Variants in TCP11 observed in about 807,000 individuals in gnomAD.
TCP11 encodes t-complex 11.
TCP11 carries 34 observed loss-of-function variants against 45.0 expected under a neutral mutation model. The ratio of observed to expected loss-of-function variants is 0.76; its 90% CI spans 0.57 to 1.01. TCP11 has a LOEUF of 1.01. Among genes scored for constraint, TCP11 ranks in the 50% least tolerant of loss-of-function variants. The probability of loss-of-function intolerance (pLI) is 0.00; values close to 1 mark genes in which losing one functional copy is unlikely to be tolerated. For synonymous variants in TCP11, 227 were observed against 227.0 expected (o/e 1.00, Z 0.00); for missense variants, 523 against 598.1 (o/e 0.87, Z 1.31).
chr6:35,124,782 T>C (rs1779636423), intron 4 of TCP11, among the ~76,000 whole-genome samples: 1 of 152,074 alleles, frequency 6.6e-6, no homozygotes. Context: ...AACAGGATAT[T>C]CACATGCAAA....
intron 4 of TCP11, chr6:35,128,347 C>G (rs1210786736): frequency 6.6e-6 from 1 of 152,230 alleles, no homozygotes; most frequent in Non-Finnish European, 1.5e-5. Context: ...CTATGTGGCC[C>G]TCTCGATAGG....
Position 35,122,311 on chromosome 6 carries a change from G to A in TCP11, c.384C>T (p.Arg128=). ...CAATCTCAATTCTCAGGCGGTTCTG[G>A]CGTGGTAATAGCAGTGATAGCAAGA... is the stretch of plus-strand genomic sequence containing the variant. ...KEILLSLLLP[R]QNRLRIEIEE... Residue 128 remains arginine, a synonymous_variant, in exon 5 of 10, where the codon CGC becomes CGT. Transcript: ENST00000311875. 6.2e-7 allele frequency: 1 copy of A among 1,614,120 alleles called. No homozygotes were observed. The highest frequency in any genetic ancestry group is 8.5e-7 in the Non-Finnish European group (1 of 1,180,026).
chr6:35,136,104 T>C lies in TCP11; in HGVS notation c.236+3A>G, dbSNP rs777851055. 5 of 1,611,974 alleles carry C rather than the reference T, an allele frequency of 3.1e-6. No homozygotes were observed. In the South Asian group the frequency reaches 3.3e-5, roughly 11 times the overall value. On this transcript the variant is annotated splice_donor_region_variant and intron_variant, in intron 3 of 9. Coordinates refer to ENST00000311875, the MANE Select transcript of TCP11 (RefSeq NM_001370687.1). ...AACATGAAGAAAGAAGAAGAGTCTA[T>C]ACCTGCTTGGAGGTAAAACCTTCTC...
At chr6:35,129,280 G>A (rs1383997404) in intron 3 of TCP11, 98 bp from the exon 4 acceptor site, 1 of 1,429,880 alleles carries the variant, frequency 7.0e-7, no homozygotes, top group African/African-American at 1.5e-5. Flanking sequence ...TATGGTAAAA[G>A]GCCATTATAA....
In TCP11 at chr6:35,136,146, C is replaced by T. The variant is rs1170864520; in HGVS notation, c.197G>A (p.Cys66Tyr). 1.9e-6 allele frequency: 3 copies of T among 1,613,688 alleles called. No homozygotes were observed. The highest frequency in any genetic ancestry group is 2.7e-5 in the African/African-American group (2 of 74,872). Residue 66 changes from cysteine to tyrosine, a missense_variant, in exon 3 of 10, where the codon TGT becomes TAT. Transcript: ENST00000311875. Reference protein sequence around the residue: ...SKLSNKIGMNCDYYMEEKVLP... With the variant: ...SKLSNKIGMNYDYYMEEKVLP... The stretch of plus-strand genomic sequence containing the variant: ...AACCTTCTCTTCCATGTAGTAATCA[C>T]AATTCATCCCAATCTTGTTGCTCAG...
intron 5 of TCP11, 152 bp downstream of exon 5, chr6:35,121,965 G>T: frequency 1.4e-6 from 1 of 739,228 alleles, no homozygotes. Flanking sequence ...TGGAAAAGAA[G>T]AGTGAATTGA....
chr6:35,141,294 G>A lies in TCP11; in HGVS notation c.-104C>T. 1.6e-6 allele frequency: 2 copies of A among 1,288,940 alleles called. No individual in the cohort carries two copies. The highest frequency in any genetic ancestry group is 4.6e-5 in the South Asian group (2 of 43,744). The allele number at this position is 1,288,940 out of a possible 1,614,324, so 79.8% of individuals were successfully genotyped here. Reference sequence around the variant, plus strand: ...CTGGAGCGTACCACCGCGGCGGAGCGGCGGGTTGGGGCGTCGCACGGTGAG... The same window carrying A: ...CTGGAGCGTACCACCGCGGCGGAGCAGCGGGTTGGGGCGTCGCACGGTGAG... On this transcript the variant is annotated 5_prime_UTR_variant, in exon 1 of 10. Coordinates refer to ENST00000311875, the MANE Select transcript of TCP11 (RefSeq NM_001370687.1).
intron 4 of TCP11, 87 bp from the exon 5 acceptor site, chr6:35,122,424 C>A: frequency 8.3e-7 from 1 of 1,206,476 alleles, no homozygotes; most frequent in Non-Finnish European, 1.2e-6. Flanking sequence ...AAAGACATAC[C>A]AGCCTATGTT....
Position 35,120,853 on chromosome 6 carries a change from A to G in TCP11, c.715+56T>C. 1.3e-6 allele frequency: 2 copies of G among 1,558,778 alleles called. No homozygotes were observed. Among genetic ancestry groups the G allele is most frequent in the South Asian group, 2.4e-5 (2 of 82,874 alleles). ...AGATAGAGTACTCTCTAACATTATA[A>G]AAGTCAGACCCAAGGTAATACCTTT... On this transcript the variant is annotated intron_variant, in intron 6 of 9. Transcript: ENST00000311875. This position sits in a 1 kb window ranked among gnomAD's most constrained non-coding sequence, Gnocchi z 4.9.
chr6:35,140,914 C>T, intron 1 of TCP11, 30 bp from the exon 2 acceptor site: 3 of 1,409,844 alleles, frequency 2.1e-6, no homozygotes, highest in South Asian at 3.1e-5. Context: ...GTGTTGTTGG[C>T]GTCGGGGAAG....
At position 35,122,175 on chromosome 6, in the gene TCP11, C is replaced by T; in HGVS notation, c.520G>A (p.Val174Ile). ...LNMMALLCAP[V>I]RDEAVQKLEN... ...AGTTTCTGCACTGCTTCATCTCGAACTGGTGCACACAGCAAAGCCATCATG... is the reference window on the plus strand; with the variant it reads ...AGTTTCTGCACTGCTTCATCTCGAATTGGTGCACACAGCAAAGCCATCATG... Residue 174 changes from valine (V) to isoleucine (I), a missense_variant, in exon 5 of 10, where the codon GTT becomes ATT. Val to Ile is a conservative substitution (Grantham distance 29). Transcript: ENST00000311875. The T allele has an allele frequency of 2.5e-6, 4 of 1,614,200 alleles. No individual in the cohort carries two copies. Among genetic ancestry groups the T allele is most frequent in the Middle Eastern group, 1.6e-4 (1 of 6,062 alleles).
intron 3 of TCP11, among the ~76,000 whole-genome samples, chr6:35,133,555 G>T (rs1780698425): frequency 6.6e-6 from 1 of 151,924 alleles, no homozygotes; most frequent in Non-Finnish European, 1.5e-5. Flanking sequence ...ACTTTGGGAG[G>T]CCAAGGCGGG....
In TCP11 at chr6:35,122,322, G is replaced by C. The variant is rs894732301; in HGVS notation, c.373C>G (p.Leu125Val). The C allele has an allele frequency of 6.2e-7, 1 of 1,614,150 alleles. No individual in the cohort carries two copies. ...CTCAGGCGGTTCTGGCGTGGTAATAGCAGTGATAGCAAGATCTGCCCAGGA... is the reference window on the plus strand; with the variant it reads ...CTCAGGCGGTTCTGGCGTGGTAATACCAGTGATAGCAAGATCTGCCCAGGA... Reference protein sequence around the residue: ...KEIKEILLSLLLPRQNRLRIE... With the variant: ...KEIKEILLSLVLPRQNRLRIE... The change falls in exon 5 of 10, where the codon CTA (leucine) becomes GTA (valine). Residue 125 changes from leucine to valine, a missense_variant. Coordinates refer to ENST00000311875, the MANE Select transcript of TCP11 (RefSeq NM_001370687.1).
In TCP11 at chr6:35,140,802, G is replaced by C; in HGVS notation, c.69C>G (p.Pro23=). The C allele has an allele frequency of 6.5e-7, 1 of 1,538,732 alleles. No homozygotes were observed. Among genetic ancestry groups the C allele is most frequent in the East Asian group, 2.3e-5 (1 of 44,342 alleles). Reference sequence around the variant, plus strand: ...CTTCCTGGGGGGGTCCTGAGGTTTCGGGCTTACAGGACCTGCCCTCTGAGT... The same window carrying C: ...CTTCCTGGGGGGGTCCTGAGGTTTCCGGCTTACAGGACCTGCCCTCTGAGT... The part of the protein sequence containing the change: ...PGDSEGRSCK[P]ETSGPPQEDK... The change falls in exon 2 of 10, where the codon CCC becomes CCG. Residue 23 remains proline (P), a synonymous_variant. Coordinates refer to ENST00000311875, the MANE Select transcript of TCP11 (RefSeq NM_001370687.1).
At chr6:35,139,583 A>G (rs1025525011) in intron 2 of TCP11, among the ~76,000 whole-genome samples, 14 of 152,258 alleles carry the variant, frequency 9.2e-5, no homozygotes, top group East Asian at 3.8e-4. Context: ...ATGCTAAATG[A>G]GAGCTAAGAG....
intron 2 of TCP11, chr6:35,140,111 C>A: frequency 6.2e-7 from 1 of 1,613,526 alleles, no homozygotes; most frequent in South Asian, 1.1e-5. Flanking sequence ...CAAGAAAAAC[C>A]AATCTAATTC....
At chr6:35,119,665 G>A (rs1779012750) in intron 8 of TCP11, among the ~76,000 whole-genome samples, 1 of 152,238 alleles carries the variant, frequency 6.6e-6, no homozygotes, top group African/African-American at 2.4e-5. Flanking sequence ...CTCTGGAAAA[G>A]TATTTAGTTG....
chr6:35,125,764 C>T (rs763284439), intron 4 of TCP11, among the ~76,000 whole-genome samples: 1 of 152,156 alleles, frequency 6.6e-6, no homozygotes, highest in African/African-American at 2.4e-5. Flanking sequence ...AGAACCTAAA[C>T]GTCCATCAAC....
At chr6:35,140,225 T>C in intron 2 of TCP11, 1 of 1,514,996 alleles carries the variant, frequency 6.6e-7, no homozygotes. Flanking sequence ...AGTTACGTTC[T>C]CTGGAGATTA....
Sources: gnomAD v4.1 joint callset for allele counts (sites outside exome capture counted in the v4.1 genomes callset) on GRCh38, gnomAD v4.1.1 for gene constraint, Gnocchi (gnomAD v3.1) non-coding constraint, MANE v1.5 for transcripts, NCBI Gene and HGNC (gene_info 2026-07-23, HGNC 2026-07-21) for gene names.